Variants in SOS1 observed in about 807,000 individuals in gnomAD.
SOS1 encodes SOS Ras/Rac guanine nucleotide exchange factor 1.
In SOS1, 25 loss-of-function variants were observed where a neutral mutation model predicts 157.6. The ratio of observed to expected loss-of-function variants is 0.16; its 90% CI spans 0.12 to 0.22. The LOEUF (loss-of-function observed/expected upper bound fraction) is 0.22. Among genes scored for constraint, SOS1 ranks in the 10% least tolerant of loss-of-function variants. The probability of loss-of-function intolerance (pLI) is 1.00; values close to 1 mark genes in which losing one functional copy is unlikely to be tolerated. For synonymous variants in SOS1, 528 were observed against 534.0 expected, an observed-to-expected ratio of 0.99 and a Z score of 0.16; for missense variants, 1,237 against 1,599.1, an observed-to-expected ratio of 0.77 and a Z score of 3.86.
At chr2:39,111,782 T>G (rs910634527) in intron 1 of SOS1, among the ~76,000 whole-genome samples, 1 of 150,944 alleles carries the variant, frequency 6.6e-6, no homozygotes, top group East Asian at 1.9e-4. Flanking sequence ...CAGGCTGGAG[T>G]GCAGTGACAC....
At chr2:38,993,659 C>G (rs1668799995) in intron 20 of SOS1, 1 of 152,140 alleles carries the variant, frequency 6.6e-6, no homozygotes, top group Non-Finnish European at 1.5e-5. Flanking sequence ...CCCCAGAAGG[C>G]ACAGAAAAAG....
chr2:39,117,775 C>T (rs1306529507), intron 1 of SOS1, among the ~76,000 whole-genome samples: 3 of 152,116 alleles, frequency 2.0e-5, no homozygotes, highest in Non-Finnish European at 4.4e-5. Context: ...GAGGAATAGA[C>T]TAGAAGAACA....
At chr2:39,117,028 CTTT>C (rs530087122) in intron 1 of SOS1, among the ~76,000 whole-genome samples, 7 of 138,532 alleles carry the variant, frequency 5.1e-5, no homozygotes, top group Non-Finnish European at 4.7e-5. Flanking sequence ...ATGTCATTTA[CTTT>C]TTTTTTTTTT....
intron 1 of SOS1, among the ~76,000 whole-genome samples, chr2:39,107,208 C>G (rs182786241): frequency 1.4e-4 from 21 of 152,086 alleles, no homozygotes; most frequent in Admixed American, 3.3e-4. Flanking sequence ...ATCATGAGAA[C>G]GAGCCTCTCA....
At chr2:39,015,802 CTTTTT>C (rs1054843148) in intron 10 of SOS1, among the ~76,000 whole-genome samples, 1 of 87,414 alleles carries the variant, frequency 1.1e-5, no homozygotes, top group Non-Finnish European at 2.2e-5. Flanking sequence ...AATTGTAAAT[CTTTTT>C]TTTTTTTTTT....
At chr2:38,994,583 G>A (rs886170176) in intron 20 of SOS1, among the ~76,000 whole-genome samples, 3 of 152,152 alleles carry the variant, frequency 2.0e-5, no homozygotes, top group African/African-American at 7.2e-5. Context: ...AAGTGTTCTG[G>A]ACTTCAGAAT....
At chr2:39,015,201 TATAAAG>T (rs1163666145) in intron 10 of SOS1, among the ~76,000 whole-genome samples, 2 of 151,420 alleles carry the variant, frequency 1.3e-5, no homozygotes, top group South Asian at 2.1e-4. Flanking sequence ...TTATCCCCCT[TATAAAG>T]AGAAAGGCCA....
chr2:39,007,341 TAGAA>T, intron 15 of SOS1, 148 bp from the exon 16 acceptor site: 2 of 631,072 alleles, frequency 3.2e-6, no homozygotes, highest in East Asian at 2.7e-5. Flanking sequence ...GGGTGACTGA[TAGAA>T]GGAAGGCAGT....
At chr2:39,061,577 A>G (rs1671406424) in intron 2 of SOS1, among the ~76,000 whole-genome samples, 1 of 152,012 alleles carries the variant, frequency 6.6e-6, no homozygotes, top group African/African-American at 2.4e-5. Flanking sequence ...AGTAGAAATG[A>G]GATCCTGCTA....
chr2:39,095,095 T>TA (rs1196332731), intron 1 of SOS1, among the ~76,000 whole-genome samples: 1 of 152,210 alleles, frequency 6.6e-6, no homozygotes, highest in African/African-American at 2.4e-5. Context: ...TTCATACAGT[T>TA]AGACTGAATG....
intron 1 of SOS1, among the ~76,000 whole-genome samples, chr2:39,114,085 T>C (rs1673549068): frequency 6.6e-6 from 1 of 151,972 alleles, no homozygotes; most frequent in Non-Finnish European, 1.5e-5. Flanking sequence ...CTCTTTCTTT[T>C]CTTTCTATTT....
At chr2:38,990,489 C>T (rs563206888) in intron 20 of SOS1, among the ~76,000 whole-genome samples, 3 of 152,014 alleles carry the variant, frequency 2.0e-5, no homozygotes, top group Non-Finnish European at 4.4e-5. Flanking sequence ...TTGAAGATTG[C>T]CTGGTTGTAA....
chr2:39,051,060 A>G (rs371968801), intron 6 of SOS1, 84 bp downstream of exon 6: 23 of 1,238,948 alleles, frequency 1.9e-5, no homozygotes, highest in Middle Eastern at 3.8e-4. Context: ...CTATGACTTT[A>G]GCTGGAAAGA....
At chr2:38,998,510 CAAAGTGCTGGGATTA>C (rs1668977276) in intron 17 of SOS1, among the ~76,000 whole-genome samples, 1 of 152,170 alleles carries the variant, frequency 6.6e-6, no homozygotes, top group African/African-American at 2.4e-5. Context: ...CTTGGCCTCC[CAAAGTGCTGGGATTA>C]CAAGCGTGAG....
At chr2:39,080,480 G>C (rs1672163498) in intron 1 of SOS1, among the ~76,000 whole-genome samples, 1 of 152,068 alleles carries the variant, frequency 6.6e-6, no homozygotes, top group Non-Finnish European at 1.5e-5. Flanking sequence ...GATTTAAACT[G>C]AACATTTAAA....
chr2:39,047,176 A>G (rs1460148055), intron 6 of SOS1, among the ~76,000 whole-genome samples: 1 of 152,098 alleles, frequency 6.6e-6, no homozygotes, highest in African/African-American at 2.4e-5. Context: ...CTTCCCATAT[A>G]TCAATATATA....
At chr2:39,052,029 G>A (rs1191297899) in intron 5 of SOS1, among the ~76,000 whole-genome samples, 1 of 152,026 alleles carries the variant, frequency 6.6e-6, no homozygotes, top group Non-Finnish European at 1.5e-5. Context: ...GATTTTTTTG[G>A]AAGGTGGATA....
In SOS1 at chr2:39,028,396, A is replaced by T. The variant is rs533905283; in HGVS notation, c.1075-4259T>A. Among the ~76,000 whole-genome samples, 14 of 152,364 alleles carry T rather than the reference A, an allele frequency of 9.2e-5. No homozygotes were observed. In the East Asian group the frequency reaches 2.7e-3, roughly 29 times the overall value. On this transcript the variant is annotated intron_variant, in intron 8 of 22. Coordinates refer to ENST00000402219, the MANE Select transcript of SOS1 (RefSeq NM_005633.4). ...CAAGAGTGTTTGATACATAAAAAAT[A>T]AATTGTTGTACCCAGTGCATTTTAT...
intron 6 of SOS1, among the ~76,000 whole-genome samples, chr2:39,045,844 G>A (rs551665577): frequency 6.6e-6 from 1 of 152,226 alleles, no homozygotes; most frequent in Admixed American, 6.5e-5. Context: ...GTGTATCTGG[G>A]ATTACAGGTG....
Sources: gnomAD v4.1 joint callset for allele counts (sites outside exome capture counted in the v4.1 genomes callset) on GRCh38, gnomAD v4.1.1 for gene constraint, MANE v1.5 for transcripts, NCBI Gene and HGNC (gene_info 2026-07-23, HGNC 2026-07-21) for gene names.